MTMR2: variants seen among roughly 807,000 people sequenced by gnomAD.
The protein encoded by MTMR2 is phosphatidylinositol-3,5-bisphosphate 3-phosphatase MTMR2.
A neutral mutation model predicts 86.9 loss-of-function variants in MTMR2; 55 were observed. That is an observed-to-expected ratio of 0.63 (90% CI 0.51 to 0.79). The LOEUF (loss-of-function observed/expected upper bound fraction) is 0.79. MTMR2 is among the 30% of genes least tolerant of loss of function. The pLI is 0.00. For missense variants in MTMR2, 659 were observed against 772.3 expected, an observed-to-expected ratio of 0.85 and a Z score of 1.74; for synonymous variants, 241 against 266.8, an observed-to-expected ratio of 0.90 and a Z score of 0.94.
chr11:95,844,948 C>T lies in MTMR2; in HGVS notation c.1386+5G>A, dbSNP rs1863711409. The stretch of plus-strand genomic sequence containing the variant: ...ATATATCCAAAGTCAAGGTTCCTTA[C>T]TTACTAGTTGAAATCGATGTCCAAA... On this transcript the variant is annotated splice_donor_5th_base_variant and intron_variant, in intron 11 of 14. Transcript: ENST00000346299. 2 of 1,585,622 alleles carry T rather than the reference C, an allele frequency of 1.3e-6. No individual in the cohort carries two copies. The highest frequency in any genetic ancestry group is 1.1e-5 in the South Asian group (1 of 90,906).
At chr11:95,847,222 T>C (rs1464012953) in intron 10 of MTMR2, among the ~76,000 whole-genome samples, 2 of 152,190 alleles carry the variant, frequency 1.3e-5, no homozygotes, top group African/African-American at 2.4e-5. Flanking sequence ...CTAATATTTA[T>C]TGGGTACCTA....
At chr11:95,920,160 G>T (rs1443134167) in intron 1 of MTMR2, among the ~76,000 whole-genome samples, 1 of 152,204 alleles carries the variant, frequency 6.6e-6, no homozygotes, top group Non-Finnish European at 1.5e-5. Flanking sequence ...TTATTAGGAT[G>T]CTAAAGTGAA....
At chr11:95,884,161 G>T (rs746690438) in intron 2 of MTMR2, among the ~76,000 whole-genome samples, 1 of 152,140 alleles carries the variant, frequency 6.6e-6, no homozygotes, top group Admixed American at 6.5e-5. Context: ...TCTGCAGTTA[G>T]TTTTGCCTGT....
intron 1 of MTMR2, among the ~76,000 whole-genome samples, chr11:95,910,789 A>T (rs906805553): frequency 2.0e-5 from 3 of 152,144 alleles, no homozygotes; most frequent in African/African-American, 7.2e-5. Context: ...CTTTTCTAGG[A>T]ACGCAAATTT....
chr11:95,877,483 G>A (rs12363404), intron 2 of MTMR2, among the ~76,000 whole-genome samples: 1 of 151,986 alleles, frequency 6.6e-6, no homozygotes, highest in African/African-American at 2.4e-5. Flanking sequence ...ATCTAAAGAA[G>A]AATGGTCTAG....
chr11:95,849,664 AC>A lies in MTMR2; in HGVS notation c.993+9del. ...AAACCATAATTATAATTACTAAGAG[AC>A]CATCTGACCTTGTTGGCAACAGCAT... is the stretch of plus-strand genomic sequence containing the variant. On this transcript the variant is annotated intron_variant, in intron 9 of 14. Coordinates refer to ENST00000346299, the MANE Select transcript of MTMR2 (RefSeq NM_016156.6). The A allele has an allele frequency of 6.3e-7, 1 of 1,589,852 alleles. No individual in the cohort carries two copies. Among genetic ancestry groups the A allele is most frequent in the South Asian group, 1.1e-5 (1 of 91,002 alleles).
chr11:95,835,057 T>G lies in MTMR2; in HGVS notation c.*233A>C, dbSNP rs923556491. 1 of 521,424 alleles carries G rather than the reference T, an allele frequency of 1.9e-6. No homozygotes were observed. Among genetic ancestry groups the G allele is most frequent in the East Asian group, 3.3e-5 (1 of 30,190 alleles). The allele number at this position is 521,424 out of a possible 1,614,324, so 32.3% of individuals were successfully genotyped here. On this transcript the variant is annotated 3_prime_UTR_variant, in exon 15 of 15. Coordinates refer to ENST00000346299, the MANE Select transcript of MTMR2 (RefSeq NM_016156.6). The stretch of plus-strand genomic sequence containing the variant: ...AATCCAGGATTGAAGTATTTTAATA[T>G]TCTTTGGATACTTAAAAGATTAGTA...
At chr11:95,859,759 A>G (rs1864339863) in intron 5 of MTMR2, among the ~76,000 whole-genome samples, 2 of 152,198 alleles carry the variant, frequency 1.3e-5, no homozygotes, top group Admixed American at 1.3e-4. Flanking sequence ...AAATAGCTTT[A>G]TTATGCCTCA....
rs193075571 is a variant in MTMR2, at chr11:95,875,948, C to T, written c.187-10272G>A. Among the ~76,000 whole-genome samples, 5 of 152,294 alleles carry T rather than the reference C, an allele frequency of 3.3e-5. No homozygotes were observed. The East Asian group carries it at 9.6e-4, about 29-fold the overall frequency. On this transcript the variant is annotated intron_variant, in intron 2 of 14. Transcript: ENST00000346299. ...TGAACAGCAAATGTTGCTGCCTGATCGTTCCTCTGGAAGTTTTGTCTCAGA... is the reference window on the plus strand; with the variant it reads ...TGAACAGCAAATGTTGCTGCCTGATTGTTCCTCTGGAAGTTTTGTCTCAGA...
intron 7 of MTMR2, among the ~76,000 whole-genome samples, chr11:95,855,234 T>C (rs1367451196): frequency 6.6e-6 from 1 of 151,264 alleles, no homozygotes; most frequent in Non-Finnish European, 1.5e-5. Context: ...TAAATGGTTA[T>C]TAATAACTTT....
intron 2 of MTMR2, among the ~76,000 whole-genome samples, chr11:95,882,889 ATTTTTTTTTTTTTTTTT>A (rs776661875): frequency 5.3e-5 from 4 of 76,100 alleles, no homozygotes; most frequent in African/African-American, 2.4e-4. Context: ...CATCCAGCTA[ATTTTTTTTTTTTTTTTT>A]TTTTTTTTTT....
chr11:95,923,944 C>G lies in MTMR2; in HGVS notation c.11G>C (p.Ser4Thr), dbSNP rs771823531. The G allele has an allele frequency of 9.0e-6, 14 of 1,560,490 alleles. No homozygotes were observed. Among genetic ancestry groups the G allele is most frequent in the Non-Finnish European group, 1.2e-5 (14 of 1,151,864 alleles). The change falls in exon 1 of 15, where the codon AGC becomes ACC. Residue 4 changes from serine (S) to threonine (T), a missense_variant. Physicochemically the swap from Ser to Thr is moderately conservative, Grantham distance 58. Transcript: ENST00000346299. The stretch of plus-strand genomic sequence containing the variant: ...GGAGCCAAGACTCTCGCAGCTCGAG[C>G]TCTTCTCCATCGCGCGGCAGGGGCA... MEK[S>T]SSCESLGSQP...
intron 12 of MTMR2, among the ~76,000 whole-genome samples, chr11:95,840,388 C>T (rs950409865): frequency 2.0e-5 from 3 of 151,868 alleles, no homozygotes; most frequent in Admixed American, 6.6e-5. Flanking sequence ...GGTCAAACAT[C>T]CAAAAAAGGA....
In MTMR2 at chr11:95,924,105, T is replaced by C; in HGVS notation, c.-151A>G. 1 of 971,464 alleles carries C rather than the reference T, an allele frequency of 1.0e-6. No individual in the cohort carries two copies. Among genetic ancestry groups the C allele is most frequent in the Non-Finnish European group, 1.6e-6 (1 of 634,442 alleles). 60.2% of individuals were successfully genotyped at this position (971,464 alleles called of 1,614,324 possible). A position where few individuals can be genotyped will look rare whatever the true frequency, so the allele number is the denominator to read the frequency against. On this transcript the variant is annotated 5_prime_UTR_variant, in exon 1 of 15. Transcript: ENST00000346299. ...CGGAAGCGGCCATGTTCCCCCAGAG[T>C]GCACCGCGCCTGTAGGCTGCTGGGC...
intron 2 of MTMR2, among the ~76,000 whole-genome samples, chr11:95,868,273 T>TAAAAAAAAAAAAAAA (rs555618890): frequency 3.8e-4 from 16 of 42,222 alleles, no homozygotes; most frequent in East Asian, 2.8e-3. Context: ...GACCCTGTGC[T>TAAAAAAAAAAAAAAA]AAAAAAAAAA....
At position 95,850,664 on chromosome 11, in the gene MTMR2, G is replaced by A; in HGVS notation, c.740C>T (p.Pro247Leu). 6.2e-7 allele frequency: 1 copy of A among 1,614,088 alleles called. No homozygotes were observed. Among genetic ancestry groups the A allele is most frequent in the Non-Finnish European group, 8.5e-7 (1 of 1,179,954 alleles). Reference protein sequence around the residue: ...CDTYPALLVVPANIPDEELKR... With the variant: ...CDTYPALLVVLANIPDEELKR... ...TAATTCTTCATCAGGAATATTTGCT[G>A]GCACAACCAGGAGGGCAGGGTATGT... Residue 247 changes from proline to leucine, a missense_variant, in exon 8 of 15, where the codon CCA becomes CTA. Around this residue, in one of 3 missense-constraint regions of MTMR2, gnomAD observed 387 missense variants for 526.3 expected, o/e 0.74. Transcript: ENST00000346299.
At position 95,836,180 on chromosome 11, in the gene MTMR2, A is replaced by C; in HGVS notation, c.1738T>G (p.Tyr580Asp). 1 of 1,612,916 alleles carries C rather than the reference A, an allele frequency of 6.2e-7. No homozygotes were observed. The highest frequency in any genetic ancestry group is 1.1e-5 in the South Asian group (1 of 91,066). ...TTCATCCGTGGATTCCACCTTATGT[A>C]ATATCCCACCCAGAGCTCTAGGTGG... ...MRHLELWVGY[Y>D]IRWNPRMKPQ... Residue 580 changes from tyrosine to aspartate, a missense_variant, in exon 14 of 15, where the codon TAC becomes GAC. Transcript: ENST00000346299.
chr11:95,873,658 T>A (rs1864982652), intron 2 of MTMR2, among the ~76,000 whole-genome samples: 2 of 151,642 alleles, frequency 1.3e-5, no homozygotes, highest in Non-Finnish European at 2.9e-5. Context: ...TGTTTGCTCT[T>A]GCTTCTCTAG....
chr11:95,876,118 C>G lies in MTMR2; in HGVS notation c.187-10442G>C, dbSNP rs535157126. 2.0e-5 allele frequency among the ~76,000 whole-genome samples: 3 copies of G among 152,352 alleles called. 1 individual carries two copies. The South Asian group carries it at 6.2e-4, about 32-fold the overall frequency. On this transcript the variant is annotated intron_variant, in intron 2 of 14. Transcript: ENST00000346299. Reference sequence around the variant, plus strand: ...TGCGTGCTGGGAGAACCACTACTCTCTTCAAAGCTGTCAGACAGGGACATT... The same window carrying G: ...TGCGTGCTGGGAGAACCACTACTCTGTTCAAAGCTGTCAGACAGGGACATT...
Sources: allele counts gnomAD v4.1 joint callset (sites outside exome capture counted in the v4.1 genomes callset), GRCh38; gene constraint gnomAD v4.1.1; regional missense constraint gnomAD v4.1.1; transcripts MANE v1.5; gene names NCBI Gene and HGNC (gene_info 2026-07-23, HGNC 2026-07-21).